The following BABAM2 variants were observed in gnomAD, a reference collection of about 807,000 sequenced individuals.
BABAM2 encodes BRISC and BRCA1-A complex member 2.
BABAM2 carries 31 observed loss-of-function variants against 54.7 expected under a neutral mutation model. The ratio of observed to expected loss-of-function variants is 0.57; its 90% CI spans 0.43 to 0.77. The LOEUF (loss-of-function observed/expected upper bound fraction) is 0.77, where lower values mean the gene tolerates loss of function less well. BABAM2 is among the 30% of genes least tolerant of loss of function. The pLI, the probability that BABAM2 is intolerant of heterozygous loss-of-function variation, is 0.00. For missense variants in BABAM2, 364 were observed against 455.8 expected, an observed-to-expected ratio of 0.80 and a Z score of 1.83; for synonymous variants, 167 against 162.9, an observed-to-expected ratio of 1.03 and a Z score of -0.19.
At chr2:28,115,451 C>G (rs1343642602) in intron 6 of BABAM2, among the ~76,000 whole-genome samples, 1 of 151,860 alleles carries the variant, frequency 6.6e-6, no homozygotes, top group Non-Finnish European at 1.5e-5. Flanking sequence ...ACGATGAAAC[C>G]CTGTCTCTAC....
At chr2:28,062,102 A>G (rs1373648231) in intron 6 of BABAM2, among the ~76,000 whole-genome samples, 1 of 152,114 alleles carries the variant, frequency 6.6e-6, no homozygotes, top group African/African-American at 2.4e-5. Context: ...TACTAAAAAT[A>G]CAAAAATTAG....
At chr2:28,064,021 A>G (rs978332749) in intron 6 of BABAM2, among the ~76,000 whole-genome samples, 3 of 152,200 alleles carry the variant, frequency 2.0e-5, no homozygotes, top group Non-Finnish European at 1.5e-5. Flanking sequence ...CCAAGAGACT[A>G]CCATGGAGGC....
rs878972332 is a variant in BABAM2 at position 28,338,610 on chromosome 2, C to CGGCA, written c.*99_*102dup. ...CTGGAAGCCGCCTGGAATGTCTTCA[C>CGGCA]GGCAGCGTTTTGCTCACACAGCAGC... On this transcript the variant is annotated 3_prime_UTR_variant, in exon 12 of 12. Transcript: ENST00000379624. 5.6e-6 allele frequency: 8 copies of CGGCA among 1,441,100 alleles called. No individual in the cohort carries two copies. In the South Asian group the frequency reaches 9.2e-5, roughly 17 times the overall value. 89.3% of individuals were successfully genotyped at this position (1,441,100 alleles called of 1,614,324 possible).
At chr2:28,237,109 C>G in intron 7 of BABAM2, 93 bp from the exon 8 acceptor site, 1 of 1,022,184 alleles carries the variant, frequency 9.8e-7, no homozygotes, top group South Asian at 1.4e-5. Context: ...GGTGGCCAGA[C>G]TTTGATGAGA....
intron 4 of BABAM2, among the ~76,000 whole-genome samples, chr2:28,023,948 G>A (rs767103343): frequency 2.3e-4 from 35 of 152,116 alleles, no homozygotes; most frequent in Non-Finnish European, 4.0e-4. Context: ...AGATATTATG[G>A]CATCTTTTTT....
At chr2:28,085,063 GT>G (rs1665522100) in intron 6 of BABAM2, among the ~76,000 whole-genome samples, 6 of 152,006 alleles carry the variant, frequency 3.9e-5, no homozygotes, top group Admixed American at 2.6e-4. Flanking sequence ...TTACCATCCA[GT>G]TTTATACTTT....
intron 5 of BABAM2, among the ~76,000 whole-genome samples, chr2:28,044,152 T>A (rs994719483): frequency 1.3e-5 from 2 of 152,234 alleles, no homozygotes; most frequent in Admixed American, 1.3e-4. Context: ...ATATTAGTTA[T>A]TATTATTATC....
At chr2:28,140,316 TG>T (rs1670930029) in intron 7 of BABAM2, among the ~76,000 whole-genome samples, 1 of 152,174 alleles carries the variant, frequency 6.6e-6, no homozygotes, top group African/African-American at 2.4e-5. Context: ...ATCAACACTG[TG>T]AGACCATTAT....
At chr2:28,316,772 C>T (rs1418511680) in intron 11 of BABAM2, among the ~76,000 whole-genome samples, 1 of 152,190 alleles carries the variant, frequency 6.6e-6, no homozygotes, top group Non-Finnish European at 1.5e-5. Flanking sequence ...CAGCCACCCA[C>T]ACGTGATGGG....
chr2:27,922,221 A>ATT (rs1667391199), intron 2 of BABAM2, among the ~76,000 whole-genome samples: 1 of 152,252 alleles, frequency 6.6e-6, no homozygotes, highest in African/African-American at 2.4e-5. Context: ...CTAAAATTTC[A>ATT]TCAGTGCTGG....
intron 7 of BABAM2, among the ~76,000 whole-genome samples, chr2:28,132,602 T>G (rs1670185141): frequency 6.6e-6 from 1 of 152,188 alleles, no homozygotes; most frequent in South Asian, 2.1e-4. Flanking sequence ...AGCTGCTCCT[T>G]CCATGTACAA....
At chr2:28,318,152 G>C (rs1689722926) in intron 11 of BABAM2, among the ~76,000 whole-genome samples, 2 of 152,210 alleles carry the variant, frequency 1.3e-5, no homozygotes, top group Admixed American at 6.5e-5. Flanking sequence ...CTCCCACCAA[G>C]CCTTGCAAGT....
intron 7 of BABAM2, among the ~76,000 whole-genome samples, chr2:28,184,263 C>CCT (rs757881813): frequency 0.14 from 8,564 of 59,298 alleles, 1,274 homozygotes; most frequent in African/African-American, 0.37. Flanking sequence ...TCCCTCCCTC[C>CCT]CTCTCTCTCT....
chr2:28,010,863 T>C (rs1674335968), intron 4 of BABAM2, among the ~76,000 whole-genome samples: 1 of 152,168 alleles, frequency 6.6e-6, no homozygotes, highest in African/African-American at 2.4e-5. Context: ...CCCTTGTGAA[T>C]AAAAAATTGT....
chr2:27,926,268 G>T (rs1458212904), intron 2 of BABAM2, among the ~76,000 whole-genome samples: 1 of 151,988 alleles, frequency 6.6e-6, no homozygotes, highest in African/African-American at 2.4e-5. Context: ...CATTTACTGT[G>T]TCCTAATCTT....
chr2:28,312,616 G>C (rs1368254738), intron 11 of BABAM2, among the ~76,000 whole-genome samples: 1 of 152,112 alleles, frequency 6.6e-6, no homozygotes, highest in Non-Finnish European at 1.5e-5. Context: ...AACTCACTGG[G>C]GCAGTTACCT....
At chr2:28,128,515 A>G (rs1351199644) in intron 6 of BABAM2, among the ~76,000 whole-genome samples, 1 of 152,256 alleles carries the variant, frequency 6.6e-6, no homozygotes. Context: ...TCAGTGTATC[A>G]TCAGCGTTGG....
At chr2:28,067,809 A>G (rs933177405) in intron 6 of BABAM2, among the ~76,000 whole-genome samples, 2 of 152,232 alleles carry the variant, frequency 1.3e-5, no homozygotes, top group African/African-American at 2.4e-5. Context: ...GGAAGGGCAG[A>G]TGCTGGGAAG....
At chr2:27,914,316 C>T (rs1666812327) in intron 2 of BABAM2, among the ~76,000 whole-genome samples, 1 of 152,176 alleles carries the variant, frequency 6.6e-6, no homozygotes, top group African/African-American at 2.4e-5. Context: ...ACTTCTAGCT[C>T]TTGTCACAAT....
Sources: gnomAD v4.1 joint callset for allele counts (sites outside exome capture counted in the v4.1 genomes callset) on GRCh38, gnomAD v4.1.1 for gene constraint, MANE v1.5 for transcripts, NCBI Gene and HGNC (gene_info 2026-07-23, HGNC 2026-07-21) for gene names.